Variants in MANBA observed in about 807,000 individuals in gnomAD.
MANBA encodes the protein beta-mannosidase.
A neutral mutation model predicts 111.1 loss-of-function variants in MANBA; 83 were observed. The observed-to-expected ratio is 0.75, with a 90% CI of 0.63 to 0.90. The LOEUF (loss-of-function observed/expected upper bound fraction) is 0.90. MANBA is among the 40% of genes least tolerant of loss of function. The probability of loss-of-function intolerance (pLI) is 0.00; values close to 1 mark genes in which losing one functional copy is unlikely to be tolerated. For synonymous variants in MANBA, 370 were observed against 378.7 expected, an observed-to-expected ratio of 0.98 and a Z score of 0.27; for missense variants, 1,036 against 1,069.0, an observed-to-expected ratio of 0.97 and a Z score of 0.43.
At chr4:102,730,405 G>A (rs1722989428) in intron 1 of MANBA, 1 of 475,236 alleles carries the variant, frequency 2.1e-6, no homozygotes, top group Non-Finnish European at 3.9e-6. Context: ...CCTTGCTGTG[G>A]CACCTAGATA....
At chr4:102,680,919 A>G (rs570958671) in intron 7 of MANBA, among the ~76,000 whole-genome samples, 1 of 152,308 alleles carries the variant, frequency 6.6e-6, no homozygotes, top group East Asian at 1.9e-4. Context: ...GGTAAGAATG[A>G]CTTCTTTATT....
At chr4:102,702,111 C>G (rs1169358701) in intron 5 of MANBA, among the ~76,000 whole-genome samples, 2 of 151,794 alleles carry the variant, frequency 1.3e-5, no homozygotes, top group Non-Finnish European at 2.9e-5. Context: ...TCATTCATTT[C>G]ATCTTCCATC....
rs758931127 is a variant in MANBA at position 102,690,781 on chromosome 4, A to G, written c.674-10T>C. The G allele has an allele frequency of 9.0e-7, 1 of 1,112,530 alleles. No individual in the cohort carries two copies. Among genetic ancestry groups the G allele is most frequent in the Non-Finnish European group, 1.3e-6 (1 of 791,242 alleles). 68.9% of individuals were successfully genotyped at this position (1,112,530 alleles called of 1,614,324 possible). A position where few individuals can be genotyped will look rare whatever the true frequency, so the allele number is the denominator to read the frequency against. ...TCCTGGGCACTCTTATCTAAAATAT[A>G]AAAAGAAAAAGAAATATATATATAT... On this transcript the variant is annotated splice_polypyrimidine_tract_variant and intron_variant, in intron 5 of 16. Transcript: ENST00000647097.
At position 102,760,914 on chromosome 4, in the gene MANBA, G is replaced by C. The variant is rs775535548; in HGVS notation, c.-20C>G. 4.5e-6 allele frequency: 7 copies of C among 1,547,830 alleles called. No individual in the cohort carries two copies. The Admixed American group carries it at 1.3e-4, about 30-fold the overall frequency. ...GCGCATCTTGAGATCCCGCGCCACC[G>C]AGATGTGGAGAGATCGAAAGGCAGC... is the stretch of plus-strand genomic sequence containing the variant. On this transcript the variant is annotated 5_prime_UTR_variant, in exon 1 of 17. Coordinates refer to ENST00000647097, the MANE Select transcript of MANBA (RefSeq NM_005908.4).
Position 102,760,858 on chromosome 4 carries a change from C to G in MANBA, c.37G>C (p.Gly13Arg), listed in dbSNP as rs1262371253. The G allele has an allele frequency of 1.9e-6, 3 of 1,571,608 alleles. No individual in the cohort carries two copies. In the South Asian group the frequency reaches 3.5e-5, roughly 18 times the overall value. ...AGCTCCGCGGCGGTGGTGCCTGCAC[C>G]GCACAGCGCGAGCAGCAGGAGCAGG... ...LHLLLLLALC[G>R]AGTTAAELSY... is the part of the protein sequence containing the mutation. The change falls in exon 1 of 17, where the codon GGT (glycine) becomes CGT (arginine). Residue 13 changes from glycine to arginine, a missense_variant. Physicochemically the swap from Gly to Arg is moderately radical, Grantham distance 125. Coordinates refer to ENST00000647097, the MANE Select transcript of MANBA (RefSeq NM_005908.4).
chr4:102,639,803 T>C lies in MANBA; in HGVS notation c.1924A>G (p.Ser642Gly). 6.2e-7 allele frequency: 1 copy of C among 1,614,128 alleles called. No homozygotes were observed. The highest frequency in any genetic ancestry group is 8.5e-7 in the Non-Finnish European group (1 of 1,180,012). The change falls in exon 14 of 17, where the codon AGC becomes GGC. Residue 642 changes from serine (S) to glycine (G), a missense_variant. Physicochemically the swap from Ser to Gly is moderately conservative, Grantham distance 56 (BLOSUM62 0). Transcript: ENST00000647097. ...TGCCCTTGCTGATCCACTATCTCGC[T>C]GCGACTACGGCGGTAGAATTCAGTT... ...TETEFYRRSRSEIVDQQGHTM... is the reference protein window; with the variant it reads ...TETEFYRRSRGEIVDQQGHTM...
intron 4 of MANBA, among the ~76,000 whole-genome samples, chr4:102,720,339 G>A (rs1722514315): frequency 6.6e-6 from 1 of 151,978 alleles, no homozygotes; most frequent in Non-Finnish European, 1.5e-5. Flanking sequence ...GGAGGCTGAG[G>A]CAAAAGAATG....
rs534714800 is a variant in MANBA, at chr4:102,690,592, T to C, written c.849+4A>G. On this transcript the variant is annotated splice_donor_region_variant and intron_variant, in intron 6 of 16. Coordinates refer to ENST00000647097, the MANE Select transcript of MANBA (RefSeq NM_005908.4). ...AGTGCTTCTCAGGAAGTACCATCAT[T>C]TACCTTGCTAATGTTCACAAATAGC... is the stretch of plus-strand genomic sequence containing the variant. The C allele has an allele frequency of 6.2e-7, 1 of 1,609,266 alleles. No homozygotes were observed. Among genetic ancestry groups the C allele is most frequent in the African/African-American group, 1.3e-5 (1 of 74,856 alleles).
intron 13 of MANBA, among the ~76,000 whole-genome samples, chr4:102,648,535 C>G (rs1730197653): frequency 6.6e-6 from 1 of 151,998 alleles, no homozygotes; most frequent in Admixed American, 6.6e-5. Flanking sequence ...AAAGTAAAAT[C>G]TATAGAGACA....
At chr4:102,729,902 C>T in intron 1 of MANBA, 1 of 1,527,688 alleles carries the variant, frequency 6.5e-7, no homozygotes, top group East Asian at 2.2e-5. Context: ...GCTGCTTCTC[C>T]TGGGTGCGCA....
In MANBA at chr4:102,669,343, A is replaced by G. The variant is rs530520318; in HGVS notation, c.1231-294T>C. On this transcript the variant is annotated intron_variant, in intron 9 of 16. Coordinates refer to ENST00000647097, the MANE Select transcript of MANBA (RefSeq NM_005908.4). The stretch of plus-strand genomic sequence containing the variant: ...AAAAAATGTGTGGAGGGGACACAGA[A>G]TGAGGCTTCCCTCCAGCCCCTTGTC... Among the ~76,000 whole-genome samples, 349 of 152,344 alleles carry G rather than the reference A, an allele frequency of 2.3e-3. 2 individuals are homozygous for G. The highest frequency in any genetic ancestry group is 8.1e-3 in the African/African-American group (337 of 41,586).
rs77117366 is a variant in MANBA, at chr4:102,640,377, T to C, written c.1870-520A>G. 2.2e-3 allele frequency among the ~76,000 whole-genome samples: 330 copies of C among 152,328 alleles called. 2 individuals are homozygous for C. The highest frequency in any genetic ancestry group is 7.6e-3 in the African/African-American group (317 of 41,568). On this transcript the variant is annotated intron_variant, in intron 13 of 16. Coordinates refer to ENST00000647097, the MANE Select transcript of MANBA (RefSeq NM_005908.4). ...AACAATTGTTTTGATGTCATGATTTTTGGTAATGTAAGATTTCTCATGAAT... is the reference window on the plus strand; with the variant it reads ...AACAATTGTTTTGATGTCATGATTTCTGGTAATGTAAGATTTCTCATGAAT...
At position 102,735,521 on chromosome 4, in the gene MANBA, C is replaced by CA. The variant is rs35650118; in HGVS notation, c.178-8839dup. Among the ~76,000 whole-genome samples the CA allele has an allele frequency of 6.3e-3, 716 of 113,216 alleles. 4 individuals are homozygous for CA. Among genetic ancestry groups the CA allele is most frequent in the Admixed American group, 0.012 (139 of 11,348 alleles). 74.3% of individuals were successfully genotyped at this position (113,216 alleles called of 152,430 possible). ...TTTTTCTCTTACTAAGAGAAAATAC[C>CA]AAAAAAAAAAAAAAAAAGTTATAGA... On this transcript the variant is annotated intron_variant, in intron 1 of 16. Transcript: ENST00000647097.
At position 102,631,694 on chromosome 4, in the gene MANBA, C is replaced by T. The variant is rs1227189308; in HGVS notation, c.*363G>A. 3.8e-6 allele frequency: 2 copies of T among 530,236 alleles called. No individual in the cohort carries two copies. The highest frequency in any genetic ancestry group is 6.6e-6 in the Non-Finnish European group (2 of 302,452). The allele number at this position is 530,236 out of a possible 1,614,324, so 32.8% of individuals were successfully genotyped here. ...GCTAGCTGTGAAAGACCTACATCAC[C>T]TCAAAACCTTCCATTTGGTTCCATA... On this transcript the variant is annotated 3_prime_UTR_variant, in exon 17 of 17. Transcript: ENST00000647097.
intron 10 of MANBA, 145 bp from the exon 11 acceptor site, chr4:102,664,997 G>C: frequency 1.6e-6 from 1 of 633,066 alleles, no homozygotes; most frequent in Non-Finnish European, 2.8e-6. Flanking sequence ...GGCTAGTCAT[G>C]TTAGCTGCAG....
At position 102,760,954 on chromosome 4, in the gene MANBA, G is replaced by A. The variant is rs1724228279; in HGVS notation, c.-60C>T. 4.7e-6 allele frequency: 7 copies of A among 1,483,178 alleles called. No homozygotes were observed. Among genetic ancestry groups the A allele is most frequent in the Admixed American group, 2.0e-5 (1 of 50,948 alleles). 91.9% of individuals were successfully genotyped at this position (1,483,178 alleles called of 1,614,324 possible). On this transcript the variant is annotated 5_prime_UTR_variant, in exon 1 of 17. Coordinates refer to ENST00000647097, the MANE Select transcript of MANBA (RefSeq NM_005908.4). ...CGAAAGGCAGCGCTGCAAGGGACCG[G>A]CGGTGAAGCCACTCACCCCCTCGGA...
intron 4 of MANBA, among the ~76,000 whole-genome samples, chr4:102,720,434 C>CAA (rs560893385): frequency 1.0e-5 from 1 of 99,028 alleles, no homozygotes; most frequent in Admixed American, 1.2e-4. Flanking sequence ...GACTCAGTCT[C>CAA]AAAAAAAAAA....
intron 11 of MANBA, among the ~76,000 whole-genome samples, chr4:102,662,107 C>T (rs1373619635): frequency 6.6e-6 from 1 of 152,004 alleles, no homozygotes; most frequent in Non-Finnish European, 1.5e-5. Flanking sequence ...AGAAATGGCA[C>T]AAAGAAGCTA....
chr4:102,644,510 A>T (rs1425667512), intron 13 of MANBA, among the ~76,000 whole-genome samples: 1 of 152,186 alleles, frequency 6.6e-6, no homozygotes. Flanking sequence ...TAAGTGAAAT[A>T]AGTCATGCAC....
Sources: allele counts gnomAD v4.1 joint callset (sites outside exome capture counted in the v4.1 genomes callset), GRCh38; gene constraint gnomAD v4.1.1; transcripts MANE v1.5; gene names NCBI Gene and HGNC (gene_info 2026-07-23, HGNC 2026-07-21).